The following TMEM17 variants were observed in gnomAD, a reference collection of about 807,000 sequenced individuals.
TMEM17 encodes the protein transmembrane protein 17.
A neutral mutation model predicts 19.1 loss-of-function variants in TMEM17; 15 were observed. The ratio of observed to expected loss-of-function variants is 0.78; its 90% CI spans 0.52 to 1.21. The LOEUF (loss-of-function observed/expected upper bound fraction) is 1.21, where lower values mean the gene tolerates loss of function less well. TMEM17 is among the 50% of genes most tolerant of loss of function. The pLI, the probability that TMEM17 is intolerant of heterozygous loss-of-function variation, is 0.00. For missense variants in TMEM17, 245 were observed against 242.3 expected (o/e 1.01, Z -0.07); for synonymous variants, 103 against 86.9 (o/e 1.19, Z -1.03).
chr2:62,461,469 T>G, the TMEM17 span, among the ~76,000 whole-genome samples: 14 of 152,198 alleles, frequency 9.2e-5, no homozygotes, highest in Non-Finnish European at 2.1e-4. Flanking sequence ...ATGCCCAGTC[T>G]CTTCTCCCAC....
At chr2:62,472,356 C>T in the TMEM17 span, among the ~76,000 whole-genome samples, 1 of 152,124 alleles carries the variant, frequency 6.6e-6, no homozygotes, top group South Asian at 2.1e-4. Flanking sequence ...AATGAGAAGC[C>T]CTTCATGGTC....
chr2:62,471,268 G>A, the TMEM17 span, among the ~76,000 whole-genome samples: 1 of 152,188 alleles, frequency 6.6e-6, no homozygotes, highest in African/African-American at 2.4e-5. Context: ...CCAACACAGA[G>A]AGCAGTTAGA....
the TMEM17 span, among the ~76,000 whole-genome samples, chr2:62,459,094 C>G: frequency 6.6e-6 from 1 of 152,180 alleles, no homozygotes; most frequent in African/African-American, 2.4e-5. Context: ...GAATTTCTGA[C>G]TGAAAATTGT....
chr2:62,471,448 C>G, the TMEM17 span, among the ~76,000 whole-genome samples: 1 of 135,800 alleles, frequency 7.4e-6, no homozygotes, highest in African/African-American at 2.8e-5. Context: ...ACTGATGACT[C>G]TGTGAGATCT....
the TMEM17 span, among the ~76,000 whole-genome samples, chr2:62,485,489 AGCTC>A: frequency 3.8e-3 from 575 of 152,348 alleles, 2 homozygotes; most frequent in African/African-American, 0.013. Flanking sequence ...CAATGGAAGT[AGCTC>A]AAAAGGTCTA....
the TMEM17 span, among the ~76,000 whole-genome samples, chr2:62,461,284 A>G: frequency 6.6e-6 from 1 of 152,240 alleles, no homozygotes; most frequent in African/African-American, 2.4e-5. Flanking sequence ...AGGCCAGGCC[A>G]AGGAACGGGG....
downstream of TMEM17, chr2:62,500,204 C>T (rs1679883307): frequency 1.3e-5 from 2 of 152,146 alleles, no homozygotes; most frequent in South Asian, 4.1e-4. Flanking sequence ...AATAATTGCA[C>T]AAGACAAGGA....
the TMEM17 span, among the ~76,000 whole-genome samples, chr2:62,467,883 CT>C: frequency 0.41 from 55,693 of 135,000 alleles, 11,628 homozygotes; most frequent in East Asian, 0.66. Context: ...GCCATCTCTC[CT>C]TTTTTTTTTT....
chr2:62,494,347 T>C, the TMEM17 span, among the ~76,000 whole-genome samples: 3 of 152,160 alleles, frequency 2.0e-5, no homozygotes, highest in Non-Finnish European at 4.4e-5. Context: ...GTTTTTAGGA[T>C]AGCACAAATT....
At chr2:62,487,349 T>C in the TMEM17 span, among the ~76,000 whole-genome samples, 1 of 152,216 alleles carries the variant, frequency 6.6e-6, no homozygotes, top group Admixed American at 6.5e-5. Flanking sequence ...CTTCCTCATT[T>C]CGGTTCTCTT....
downstream of TMEM17, among the ~76,000 whole-genome samples, chr2:62,495,940 T>C (rs1426491463): frequency 6.6e-6 from 1 of 152,232 alleles, no homozygotes; most frequent in African/African-American, 2.4e-5. Flanking sequence ...CCCAACTCAA[T>C]GACCCAGTTT....
At chr2:62,457,417 G>A in the TMEM17 span, among the ~76,000 whole-genome samples, 1 of 152,226 alleles carries the variant, frequency 6.6e-6, no homozygotes, top group African/African-American at 2.4e-5. This position sits in a 1 kb window ranked among gnomAD's most constrained non-coding sequence, Gnocchi z 4.2. Context: ...GGAAGGCCCC[G>A]GAGGGAGAGC....
chr2:62,502,915 C>A, intron 1 of TMEM17, 121 bp from the exon 2 acceptor site: 1 of 450,208 alleles, frequency 2.2e-6, no homozygotes, highest in Non-Finnish European at 3.9e-6. Context: ...AAATTTTATG[C>A]CTATTTATAA....
At chr2:62,455,181 A>T in the TMEM17 span, among the ~76,000 whole-genome samples, 3 of 152,088 alleles carry the variant, frequency 2.0e-5, no homozygotes, top group African/African-American at 7.2e-5. Flanking sequence ...TTCTGTCTCT[A>T]TGGATTTGCC....
the TMEM17 span, among the ~76,000 whole-genome samples, chr2:62,484,474 T>G: frequency 1.3e-5 from 2 of 152,232 alleles, no homozygotes; most frequent in African/African-American, 4.8e-5. Context: ...ATTTGAAATG[T>G]GGTGTGTGTG....
the TMEM17 span, among the ~76,000 whole-genome samples, chr2:62,488,805 T>A: frequency 6.7e-6 from 1 of 150,356 alleles, no homozygotes; most frequent in Non-Finnish European, 1.5e-5. Context: ...TTTTTTTTTT[T>A]TTTTTTTTGG....
chr2:62,457,317 G>A, the TMEM17 span, among the ~76,000 whole-genome samples: 1 of 152,228 alleles, frequency 6.6e-6, no homozygotes, highest in Non-Finnish European at 1.5e-5. The surrounding 1 kb of genome is among the most constrained non-coding windows in gnomAD (Gnocchi z 4.2). Flanking sequence ...ACTGCCTTGG[G>A]TGTGGCAGCC....
At chr2:62,478,723 T>C in the TMEM17 span, among the ~76,000 whole-genome samples, 2 of 152,174 alleles carry the variant, frequency 1.3e-5, no homozygotes, top group African/African-American at 4.8e-5. Flanking sequence ...TTGTGGTTAG[T>C]GCTGTGGTAT....
chr2:62,470,572 C>T, the TMEM17 span, among the ~76,000 whole-genome samples: 1 of 152,246 alleles, frequency 6.6e-6, no homozygotes, highest in Non-Finnish European at 1.5e-5. Context: ...GCCCTCACCT[C>T]CTTGGCCAGA....
Sources: gnomAD v4.1 joint callset for allele counts (sites outside exome capture counted in the v4.1 genomes callset) on GRCh38, gnomAD v4.1.1 for gene constraint, Gnocchi (gnomAD v3.1) non-coding constraint, MANE v1.5 for transcripts, NCBI Gene and HGNC (gene_info 2026-07-23, HGNC 2026-07-21) for gene names.